The following DTNA variants were observed in gnomAD, a reference collection of about 807,000 sequenced individuals.
The protein encoded by DTNA is dystrobrevin alpha.
Under a neutral mutation model 100.7 loss-of-function variants are expected in DTNA, and 43 were observed. The observed-to-expected ratio is 0.43, with a 90% confidence interval of 0.33 to 0.55. The LOEUF is 0.55. Among genes scored for constraint, DTNA ranks in the 20% least tolerant of loss-of-function variants. The pLI is 0.04. For synonymous variants in DTNA, 349 were observed against 347.9 expected (o/e 1.00, Z -0.04); for missense variants, 798 against 953.9 (o/e 0.84, Z 2.15).
intron 1 of DTNA, among the ~76,000 whole-genome samples, chr18:34,658,454 G>C (rs571864194): frequency 1.3e-5 from 2 of 152,298 alleles, no homozygotes; most frequent in Admixed American, 1.3e-4. Flanking sequence ...CCGGGTTCAA[G>C]TGACTCTCAT....
chr18:34,735,354 C>A (rs1012817779), intron 1 of DTNA, among the ~76,000 whole-genome samples: 3 of 152,178 alleles, frequency 2.0e-5, no homozygotes, highest in Non-Finnish European at 4.4e-5. Flanking sequence ...CAGACACAAT[C>A]AGGATCAATA....
At chr18:34,678,270 T>C (rs1277827597) in intron 1 of DTNA, among the ~76,000 whole-genome samples, 1 of 152,016 alleles carries the variant, frequency 6.6e-6, no homozygotes, top group Non-Finnish European at 1.5e-5. Flanking sequence ...AAGGGGAAGA[T>C]TTTGTTATAG....
intron 14 of DTNA, among the ~76,000 whole-genome samples, chr18:34,850,088 G>C (rs1427507292): frequency 6.6e-6 from 1 of 152,122 alleles, no homozygotes; most frequent in East Asian, 1.9e-4. Flanking sequence ...ATTAATTCTA[G>C]TTCCTTTGTA....
At chr18:34,865,459 A>G (rs1369914611) in intron 17 of DTNA, among the ~76,000 whole-genome samples, 1 of 151,768 alleles carries the variant, frequency 6.6e-6, no homozygotes, top group Non-Finnish European at 1.5e-5. Flanking sequence ...TTTTCCCTCC[A>G]TCAGTGTCCT....
At chr18:34,515,652 A>G (rs2041527873) in intron 1 of DTNA, among the ~76,000 whole-genome samples, 1 of 152,100 alleles carries the variant, frequency 6.6e-6, no homozygotes. Flanking sequence ...TTTTGCTAAG[A>G]AAGTGTTCTT....
intron 1 of DTNA, among the ~76,000 whole-genome samples, chr18:34,599,084 A>G (rs1038672653): frequency 4.6e-5 from 7 of 152,184 alleles, no homozygotes; most frequent in Non-Finnish European, 1.0e-4. Flanking sequence ...TGAGGCTTTG[A>G]TACGCCAACT....
intron 3 of DTNA, among the ~76,000 whole-genome samples, chr18:34,793,348 C>T (rs1236428114): frequency 2.0e-5 from 3 of 152,136 alleles, no homozygotes; most frequent in Non-Finnish European, 4.4e-5. Flanking sequence ...GTGAAAGTAA[C>T]CATGACTTAA....
At chr18:34,828,887 A>G (rs1280189751) in intron 10 of DTNA, among the ~76,000 whole-genome samples, 4 of 152,178 alleles carry the variant, frequency 2.6e-5, no homozygotes, top group Non-Finnish European at 5.9e-5. Flanking sequence ...CATAAACTGT[A>G]AAATCTGTAA....
intron 16 of DTNA, among the ~76,000 whole-genome samples, chr18:34,860,776 G>A (rs1360009272): frequency 6.6e-6 from 1 of 152,176 alleles, no homozygotes; most frequent in East Asian, 1.9e-4. Flanking sequence ...AAGTGACAAT[G>A]AATATGAATG....
At chr18:34,507,931 GTATT>G (rs1310311998) in intron 1 of DTNA, among the ~76,000 whole-genome samples, 1 of 152,114 alleles carries the variant, frequency 6.6e-6, no homozygotes, top group Non-Finnish European at 1.5e-5. Context: ...TTTGGAAAAT[GTATT>G]TATTATATTT....
intron 15 of DTNA, among the ~76,000 whole-genome samples, chr18:34,855,696 C>T (rs1469300006): frequency 6.6e-6 from 1 of 152,174 alleles, no homozygotes; most frequent in Non-Finnish European, 1.5e-5. Context: ...CAACCCTGAC[C>T]AGAGTTTCCA....
At chr18:34,866,190 G>T in intron 17 of DTNA, 1 of 1,613,998 alleles carries the variant, frequency 6.2e-7, no homozygotes, top group Non-Finnish European at 8.5e-7. Flanking sequence ...GCCGACCTGC[G>T]GTTTTCTCAT....
At chr18:34,849,795 T>C (rs758825433) in intron 14 of DTNA, among the ~76,000 whole-genome samples, 1 of 152,218 alleles carries the variant, frequency 6.6e-6, no homozygotes, top group Admixed American at 6.5e-5. Context: ...AGTGGAGGCA[T>C]TACTCTGCTG....
At chr18:34,614,720 A>G (rs767017126) in intron 1 of DTNA, among the ~76,000 whole-genome samples, 11 of 152,236 alleles carry the variant, frequency 7.2e-5, no homozygotes, top group Non-Finnish European at 1.6e-4. Context: ...GAACTTGAAA[A>G]CAAGAGGAGC....
chr18:34,555,945 G>T (rs1458179232), intron 1 of DTNA, among the ~76,000 whole-genome samples: 1 of 151,010 alleles, frequency 6.6e-6, no homozygotes, highest in Non-Finnish European at 1.5e-5. Flanking sequence ...CTGTCTCGTT[G>T]ATCTGTCTAA....
At chr18:34,822,812 A>G (rs1039649966) in intron 9 of DTNA, among the ~76,000 whole-genome samples, 3 of 151,950 alleles carry the variant, frequency 2.0e-5, no homozygotes, top group Admixed American at 1.3e-4. Context: ...TTTATGTTCC[A>G]TGGAGAGATT....
chr18:34,874,440 A>G lies in DTNA; in HGVS notation c.1744-799A>G, dbSNP rs9955967. Among the ~76,000 whole-genome samples, 1,490 of 152,340 alleles carry G rather than the reference A, an allele frequency of 9.8e-3. 32 individuals are homozygous for G. Among genetic ancestry groups the G allele is most frequent in the African/African-American group, 0.034 (1,426 of 41,572 alleles). Reference sequence around the variant, plus strand: ...TTAGAGACAAATCCTTAAGATTCAAAGTGTGACAGTCTCAGAATAGTTTCA... The same window carrying G: ...TTAGAGACAAATCCTTAAGATTCAAGGTGTGACAGTCTCAGAATAGTTTCA... On this transcript the variant is annotated intron_variant, in intron 17 of 22. Coordinates refer to ENST00000444659, the MANE Select transcript of DTNA (RefSeq NM_001386795.1).
At chr18:34,768,895 A>G (rs550460266) in intron 3 of DTNA, among the ~76,000 whole-genome samples, 1 of 152,342 alleles carries the variant, frequency 6.6e-6, no homozygotes, top group East Asian at 1.9e-4. Flanking sequence ...AGATAATGAT[A>G]GAAATATGTA....
chr18:34,641,889 T>G (rs2148369498), intron 1 of DTNA, among the ~76,000 whole-genome samples: 1 of 152,262 alleles, frequency 6.6e-6, no homozygotes, highest in South Asian at 2.1e-4. Context: ...CGTGCTGACT[T>G]TCATGTATGC....
Sources: allele counts gnomAD v4.1 joint callset (sites outside exome capture counted in the v4.1 genomes callset), GRCh38; gene constraint gnomAD v4.1.1; transcripts MANE v1.5; gene names NCBI Gene and HGNC (gene_info 2026-07-23, HGNC 2026-07-21).